RPN2: variants seen among roughly 807,000 people sequenced by gnomAD.
The protein encoded by RPN2 is dolichyl-diphosphooligosaccharide--protein glycosyltransferase subunit 2.
RPN2 carries 29 observed loss-of-function variants against 71.4 expected under a neutral mutation model. The observed-to-expected ratio is 0.41, with a 90% CI of 0.30 to 0.55. The LOEUF is 0.55. Among genes scored for constraint, RPN2 ranks in the 20% least tolerant of loss-of-function variants. The pLI is 0.35. For synonymous variants in RPN2, 308 were observed against 305.0 expected, an observed-to-expected ratio of 1.01 and a Z score of -0.10; for missense variants, 726 against 774.1, an observed-to-expected ratio of 0.94 and a Z score of 0.74.
intron 5 of RPN2, 141 bp from the exon 6 acceptor site, chr20:37,204,626 A>G (rs578210307): frequency 4.2e-5 from 40 of 945,898 alleles, no homozygotes; most frequent in Non-Finnish European, 6.1e-5. Flanking sequence ...CATTTTTGAG[A>G]AAGTATGAAG....
At chr20:37,184,015 G>C (rs745726528) in intron 1 of RPN2, among the ~76,000 whole-genome samples, 165 bp from the exon 2 acceptor site, 1 of 152,230 alleles carries the variant, frequency 6.6e-6, no homozygotes, top group African/African-American at 2.4e-5. Context: ...CAGTTGAAGA[G>C]CAGGCTCCCT....
intron 2 of RPN2, among the ~76,000 whole-genome samples, chr20:37,189,140 G>T (rs1170942062): frequency 6.6e-6 from 1 of 152,028 alleles, no homozygotes; most frequent in Non-Finnish European, 1.5e-5. Flanking sequence ...TTGCCATGTT[G>T]GCCAGGCTGG....
chr20:37,229,912 C>A, intron 12 of RPN2, 61 bp from the exon 13 acceptor site: 1 of 1,210,858 alleles, frequency 8.3e-7, no homozygotes, highest in Non-Finnish European at 1.2e-6. Context: ...AGAATATTAT[C>A]TATTGAGTTT....
Position 37,198,958 on chromosome 20 carries a change from T to A in RPN2, c.304-92T>A, listed in dbSNP as rs1469618002. ...TGAGCATGTGCGAGGCGGAGGTGAC[T>A]TTGGCAGCTGCTCCGCATTCTGTCT... is the stretch of plus-strand genomic sequence containing the variant. On this transcript the variant is annotated intron_variant, in intron 3 of 16. Transcript: ENST00000237530. The A allele has an allele frequency of 4.8e-6, 5 of 1,035,140 alleles. No individual in the cohort carries two copies. The African/African-American group carries it at 6.3e-5, about 13-fold the overall frequency. 64.1% of individuals were successfully genotyped at this position (1,035,140 alleles called of 1,614,324 possible).
intron 12 of RPN2, 33 bp from the exon 13 acceptor site, chr20:37,229,940 C>T (rs2068192831): frequency 1.3e-6 from 2 of 1,512,470 alleles, no homozygotes; most frequent in African/African-American, 2.7e-5. Flanking sequence ...TTCTCTGCCC[C>T]TGTGCTTTTA....
rs960480452 is a variant in RPN2 at position 37,205,010 on chromosome 20, G to A, written c.690+109G>A. The A allele has an allele frequency of 1.4e-5, 20 of 1,465,308 alleles. No individual in the cohort carries two copies. The African/African-American group carries it at 2.6e-4, about 19-fold the overall frequency. 90.8% of individuals were successfully genotyped at this position (1,465,308 alleles called of 1,614,324 possible). A position where few individuals can be genotyped will look rare whatever the true frequency, so the allele number is the denominator to read the frequency against. On this transcript the variant is annotated intron_variant, in intron 6 of 16. Coordinates refer to ENST00000237530, the MANE Select transcript of RPN2 (RefSeq NM_002951.5). ...TGTTCAGACAGTACCTTGGGATGCT[G>A]TCACTCAGTGTCCTGGGTTAGGGAT...
Position 37,207,281 on chromosome 20 carries a change from C to T in RPN2, c.699C>T (p.Val233=). 1 of 1,613,506 alleles carries T rather than the reference C, an allele frequency of 6.2e-7. No individual in the cohort carries two copies. Among genetic ancestry groups the T allele is most frequent in the Non-Finnish European group, 8.5e-7 (1 of 1,179,412 alleles). Residue 233 remains valine (V), a synonymous_variant, in exon 7 of 17, where the codon GTC becomes GTT. Coordinates refer to ENST00000237530, the MANE Select transcript of RPN2 (RefSeq NM_002951.5). ...TTTCGCATTTCTTTCAGGATCAGGT[C>T]ATCCAGCTGATGAACGCGATCTTCA... The part of the protein sequence containing the change: ...GTEPSIKEDQ[V]IQLMNAIFSK...
At chr20:37,232,587 C>T (rs1373186437) in intron 14 of RPN2, among the ~76,000 whole-genome samples, 196 bp downstream of exon 14, 2 of 151,794 alleles carry the variant, frequency 1.3e-5, no homozygotes, top group South Asian at 2.1e-4. Context: ...AATAAACTGC[C>T]GCATTAACAA....
At chr20:37,179,558 C>G in intron 1 of RPN2, 189 bp downstream of exon 1, 4 of 1,371,472 alleles carry the variant, frequency 2.9e-6, no homozygotes, top group Non-Finnish European at 3.8e-6. Flanking sequence ...TGCCCGCGAC[C>G]TGGCGGGGTT....
At chr20:37,222,605 A>G (rs561881935) in intron 9 of RPN2, among the ~76,000 whole-genome samples, 1 of 152,292 alleles carries the variant, frequency 6.6e-6, no homozygotes. Flanking sequence ...GCTATCCTTC[A>G]ATTATTTGCC....
At chr20:37,195,713 TC>T in intron 2 of RPN2, among the ~76,000 whole-genome samples, 1 of 152,126 alleles carries the variant, frequency 6.6e-6, no homozygotes, top group Non-Finnish European at 1.5e-5. Context: ...GTGTTGTCGT[TC>T]CATTGTTAAA....
At chr20:37,190,697 ATT>A (rs1167506126) in intron 2 of RPN2, among the ~76,000 whole-genome samples, 1 of 152,172 alleles carries the variant, frequency 6.6e-6, no homozygotes, top group African/African-American at 2.4e-5. Context: ...TCTAACAAAT[ATT>A]TGAACTGTAG....
chr20:37,179,486 C>T, intron 1 of RPN2, 117 bp downstream of exon 1: 4 of 1,413,258 alleles, frequency 2.8e-6, no homozygotes, highest in South Asian at 1.5e-5. Flanking sequence ...GGCATGGGCA[C>T]AAGCTCTGGC....
rs1204431067 is a variant in RPN2, at chr20:37,198,431, C to T, written c.242C>T (p.Pro81Leu). Reference protein sequence around the residue: ...ACTYIRSNLDPSNVDSLFYAA... With the variant: ...ACTYIRSNLDLSNVDSLFYAA... ...ACCTACATCAGATCTAACCTTGATC[C>T]CAGCAATGTGGATTCCCTCTTCTAC... Residue 81 changes from proline (P) to leucine (L), a missense_variant, in exon 3 of 17, where the codon CCC becomes CTC. Physicochemically the swap from Pro to Leu is moderately conservative, Grantham distance 98. Transcript: ENST00000237530. The T allele has an allele frequency of 1.2e-6, 2 of 1,614,086 alleles. No individual in the cohort carries two copies. Among genetic ancestry groups the T allele is most frequent in the African/African-American group, 2.7e-5 (2 of 74,930 alleles).
At chr20:37,197,433 C>T (rs751874870) in intron 2 of RPN2, among the ~76,000 whole-genome samples, 14 of 152,076 alleles carry the variant, frequency 9.2e-5, no homozygotes, top group Middle Eastern at 3.4e-3. Context: ...AAACCAGAGG[C>T]GGGACTGGGC....
chr20:37,200,367 T>C lies in RPN2; in HGVS notation c.479+1142T>C, dbSNP rs982041074. The C allele has an allele frequency of 2.6e-5, 11 of 419,726 alleles. No homozygotes were observed. The Admixed American group carries it at 3.0e-4, about 11-fold the overall frequency. 26.0% of individuals were successfully genotyped at this position (419,726 alleles called of 1,614,324 possible). On this transcript the variant is annotated intron_variant, in intron 4 of 16. Transcript: ENST00000237530. The stretch of plus-strand genomic sequence containing the variant: ...AGGCCGGTTGTAATTTTTTTTTTTT[T>C]AACACTTAAACTGCTCCTTTAAAAC...
chr20:37,241,407 A>C lies in RPN2; in HGVS notation c.*92A>C, dbSNP rs1255826394. Reference sequence around the variant, plus strand: ...TATGAGAAGAAAAATGGAAAAAAAAAACTTTATTTAAAAAAGAAAAAAGTC... The same window carrying C: ...TATGAGAAGAAAAATGGAAAAAAAACACTTTATTTAAAAAAGAAAAAAGTC... On this transcript the variant is annotated 3_prime_UTR_variant, in exon 17 of 17. Transcript: ENST00000237530. The C allele has an allele frequency of 4.8e-6, 7 of 1,468,214 alleles. No homozygotes were observed. Among genetic ancestry groups the C allele is most frequent in the South Asian group, 2.5e-5 (2 of 78,690 alleles). The allele number at this position is 1,468,214 out of a possible 1,614,324, so 90.9% of individuals were successfully genotyped here. A position where few individuals can be genotyped will look rare whatever the true frequency, so the allele number is the denominator to read the frequency against.
At chr20:37,230,618 AAACTGAG>A (rs2068215053) in intron 13 of RPN2, among the ~76,000 whole-genome samples, 1 of 152,212 alleles carries the variant, frequency 6.6e-6, no homozygotes, top group Non-Finnish European at 1.5e-5. Context: ...CTGGTTAAGG[AAACTGAG>A]GTGGATCCAC....
chr20:37,238,799 A>C (rs376396973), intron 16 of RPN2: 8 of 559,758 alleles, frequency 1.4e-5, no homozygotes, highest in East Asian at 4.6e-5. Context: ...AGGATAAGAC[A>C]AATCCAAAAT....
Sources: allele counts gnomAD v4.1 joint callset (sites outside exome capture counted in the v4.1 genomes callset), GRCh38; gene constraint gnomAD v4.1.1; transcripts MANE v1.5; gene names NCBI Gene and HGNC (gene_info 2026-07-23, HGNC 2026-07-21).